Variants in SH3RF2 observed in about 807,000 individuals in gnomAD.
SH3RF2 encodes SH3 domain containing ring finger 2, also known as E3 ubiquitin-protein ligase SH3RF2.
In SH3RF2, 43 loss-of-function variants were observed where a neutral mutation model predicts 59.0. The ratio of observed to expected loss-of-function variants is 0.73; its 90% CI spans 0.57 to 0.94. The LOEUF (loss-of-function observed/expected upper bound fraction) is 0.94, where lower values mean the gene tolerates loss of function less well. SH3RF2 is among the 40% of genes least tolerant of loss of function. The pLI is 0.00. For synonymous variants in SH3RF2, 391 were observed against 391.5 expected (o/e 1.00, Z 0.01); for missense variants, 930 against 940.1 (o/e 0.99, Z 0.14).
chr5:146,079,792 C>G (rs1763396004), exon 10 of SH3RF2: 1 of 152,214 alleles, frequency 6.6e-6, no homozygotes, highest in South Asian at 2.1e-4. Context: ...ACAAGAAGCC[C>G]CAGAGTTCTG....
intron 2 of SH3RF2, among the ~76,000 whole-genome samples, chr5:145,956,831 G>A (rs1441871463): frequency 6.6e-6 from 1 of 152,162 alleles, no homozygotes; most frequent in Non-Finnish European, 1.5e-5. Context: ...TTAAAGACAA[G>A]GAAATGTGAC....
chr5:145,977,890 A>G (rs905160076), intron 2 of SH3RF2, among the ~76,000 whole-genome samples: 6 of 152,216 alleles, frequency 3.9e-5, no homozygotes, highest in Non-Finnish European at 8.8e-5. Flanking sequence ...TTGTGGACTG[A>G]TTGACCCCTG....
chr5:146,081,375 A>G (rs1763423252), exon 10 of SH3RF2: 1 of 151,852 alleles, frequency 6.6e-6, no homozygotes, highest in Admixed American at 6.6e-5. Context: ...ACTTTCTACC[A>G]TCGGTTTTCA....
In SH3RF2 at chr5:145,942,649, G is replaced by A. The variant is rs1757858622; in HGVS notation, c.378+4343G>A. On this transcript the variant is annotated intron_variant, in intron 2 of 9. Transcript: ENST00000359120. ...TCATCCCAGGCCCCTGAAAACAGCA[G>A]ATAGGTGCCATCTGGGACAGCAAGG... Among the ~76,000 whole-genome samples, 4 of 152,218 alleles carry A rather than the reference G, an allele frequency of 2.6e-5. No individual in the cohort carries two copies. In the South Asian group the frequency reaches 6.2e-4, roughly 24 times the overall value.
Position 146,059,938 on chromosome 5 carries a change from C to T in SH3RF2, c.1628C>T (p.Thr543Ile). Residue 543 changes from threonine (T) to isoleucine (I), a missense_variant, in exon 9 of 10, where the codon ACC becomes ATC. Coordinates refer to ENST00000359120, the MANE Select transcript of SH3RF2 (RefSeq NM_152550.4). ...GTAGGCTCCCTCAGACGCAGCCCCA[C>T]CATGGTCCTTCGGCCTCAGCAGTTC... ...LVVGSLRRSP[T>I]MVLRPQQFQF... 6.5e-7 allele frequency: 1 copy of T among 1,529,354 alleles called. No homozygotes were observed. Among genetic ancestry groups the T allele is most frequent in the Non-Finnish European group, 8.8e-7 (1 of 1,138,838 alleles). The allele number at this position is 1,529,354 out of a possible 1,614,324, so 94.7% of individuals were successfully genotyped here. A position where few individuals can be genotyped will look rare whatever the true frequency, so the allele number is the denominator to read the frequency against.
intron 5 of SH3RF2, among the ~76,000 whole-genome samples, chr5:146,019,782 G>A (rs1028986911): frequency 2.6e-5 from 4 of 152,102 alleles, no homozygotes; most frequent in Admixed American, 6.6e-5. Context: ...TCTTTCAACA[G>A]TGTTTTGTAG....
At chr5:146,000,870 G>A (rs1468841601) in intron 3 of SH3RF2, among the ~76,000 whole-genome samples, 2 of 152,170 alleles carry the variant, frequency 1.3e-5, no homozygotes, top group Admixed American at 1.3e-4. Flanking sequence ...CCGATACATG[G>A]ACAGAAAATT....
chr5:146,065,831 T>C (rs77982500), downstream of SH3RF2, among the ~76,000 whole-genome samples: 798 of 152,356 alleles, frequency 5.2e-3, 8 homozygotes, highest in African/African-American at 0.018. Flanking sequence ...ATTTATTGTT[T>C]TATTTTTTGT....
Position 146,062,494 on chromosome 5 carries a change from C to T in SH3RF2, c.1983C>T (p.Thr661=). ...PPTKHYTSHP[T]SGKPEQPATL... ...CCAAACATTACACCTCCCATCCCACCTCCGGAAAGCCTGAACAGCCAGCCA... is the reference window on the plus strand; with the variant it reads ...CCAAACATTACACCTCCCATCCCACTTCCGGAAAGCCTGAACAGCCAGCCA... Residue 661 remains threonine (T), a synonymous_variant, in exon 10 of 10, where the codon ACC becomes ACT. Coordinates refer to ENST00000359120, the MANE Select transcript of SH3RF2 (RefSeq NM_152550.4). The T allele has an allele frequency of 6.2e-7, 1 of 1,614,230 alleles. No homozygotes were observed. The highest frequency in any genetic ancestry group is 8.5e-7 in the Non-Finnish European group (1 of 1,180,044).
At chr5:146,069,316 C>T (rs1314570179) in intron 9 of SH3RF2, among the ~76,000 whole-genome samples, 3 of 152,178 alleles carry the variant, frequency 2.0e-5, no homozygotes, top group African/African-American at 7.2e-5. Context: ...TTTGGGAGAC[C>T]TTGTTGCTTC....
intron 5 of SH3RF2, among the ~76,000 whole-genome samples, chr5:146,035,782 G>A (rs1240762895): frequency 6.6e-6 from 1 of 152,220 alleles, no homozygotes; most frequent in Non-Finnish European, 1.5e-5. Flanking sequence ...ATTTCTAGAT[G>A]TCCAGAGACT....
intron 2 of SH3RF2, among the ~76,000 whole-genome samples, chr5:145,985,925 G>T (rs972514669): frequency 6.6e-6 from 1 of 151,970 alleles, no homozygotes. Flanking sequence ...GATCTCTTGA[G>T]CCCAGGAGTT....
intron 5 of SH3RF2, among the ~76,000 whole-genome samples, chr5:146,036,230 AC>A (rs1761931583): frequency 1.3e-5 from 2 of 152,196 alleles, no homozygotes; most frequent in South Asian, 4.1e-4. Flanking sequence ...AAGCAGCAGG[AC>A]CCTTGGGCTC....
At chr5:145,946,035 A>T (rs1757995191) in intron 2 of SH3RF2, among the ~76,000 whole-genome samples, 1 of 152,226 alleles carries the variant, frequency 6.6e-6, no homozygotes, top group East Asian at 1.9e-4. Flanking sequence ...ATCCAAAGCA[A>T]GTGATATAAC....
At position 146,000,109 on chromosome 5, in the gene SH3RF2, C is replaced by CG; in HGVS notation, c.430_431insG (p.Leu144ArgfsTer4). On this transcript the variant is annotated frameshift_variant, in exon 3 of 10. Transcript: ENST00000359120. LOFTEE classifies it high-confidence loss of function. ...CTACAGAGGGCAGAATCCCGGTGACCTAAGGTTTAATAAGGGAGATATCAT... is the reference window on the plus strand; with the variant it reads ...CTACAGAGGGCAGAATCCCGGTGACCGTAAGGTTTAATAAGGGAGATATCAT... 6.2e-7 allele frequency: 1 copy of CG among 1,613,614 alleles called. No homozygotes were observed. The highest frequency in any genetic ancestry group is 8.5e-7 in the Non-Finnish European group (1 of 1,179,788).
intron 2 of SH3RF2, among the ~76,000 whole-genome samples, chr5:145,958,008 G>A (rs973179056): frequency 6.6e-6 from 1 of 152,058 alleles, no homozygotes; most frequent in African/African-American, 2.4e-5. Context: ...AGCTACTTGG[G>A]AGGCTGAGGC....
chr5:145,947,520 A>G (rs1366019087), intron 2 of SH3RF2, among the ~76,000 whole-genome samples: 1 of 152,164 alleles, frequency 6.6e-6, no homozygotes, highest in Non-Finnish European at 1.5e-5. Context: ...ATGATTAGCT[A>G]TCTCCTTGTA....
chr5:146,017,345 A>T (rs1446644885), intron 5 of SH3RF2, among the ~76,000 whole-genome samples: 1 of 150,594 alleles, frequency 6.6e-6, no homozygotes, highest in African/African-American at 2.4e-5. Context: ...CAAGTTAGAA[A>T]GAAGTCCTTC....
intron 5 of SH3RF2, among the ~76,000 whole-genome samples, chr5:146,020,593 A>C (rs936865801): frequency 1.3e-5 from 2 of 152,142 alleles, no homozygotes; most frequent in Non-Finnish European, 2.9e-5. Flanking sequence ...TCTTGTATTC[A>C]CAGCACATTG....
Sources: allele counts gnomAD v4.1 joint callset (sites outside exome capture counted in the v4.1 genomes callset), GRCh38; gene constraint gnomAD v4.1.1; transcripts MANE v1.5; gene names NCBI Gene and HGNC (gene_info 2026-07-23, HGNC 2026-07-21).